TBC1D20: variants seen among roughly 807,000 people sequenced by gnomAD.
The protein encoded by TBC1D20 is chromosome 20 open reading frame 140.
In TBC1D20, 12 loss-of-function variants were observed where a neutral mutation model predicts 41.6. The ratio of observed to expected loss-of-function variants is 0.29; its 90% CI spans 0.18 to 0.47. The LOEUF (loss-of-function observed/expected upper bound fraction) is 0.47, where lower values mean the gene tolerates loss of function less well. TBC1D20 is among the 20% of genes least tolerant of loss of function. TBC1D20 has a pLI of 1.00. For missense variants in TBC1D20, 421 were observed against 517.4 expected, an observed-to-expected ratio of 0.81 and a Z score of 1.81; for synonymous variants, 205 against 204.8, an observed-to-expected ratio of 1.00 and a Z score of -0.01.
chr20:444,925 T>C (rs765584139), intron 3 of TBC1D20, 125 bp downstream of exon 3: 23 of 754,212 alleles, frequency 3.0e-5, no homozygotes, highest in Non-Finnish European at 5.0e-5. Context: ...AAGAAAAGGA[T>C]GACTCAGCAA....
chr20:441,398 G>A (rs2017226612), intron 5 of TBC1D20, 190 bp downstream of exon 5: 7 of 592,166 alleles, frequency 1.2e-5, no homozygotes, highest in Non-Finnish European at 1.8e-5. Flanking sequence ...GTCCCCCAAA[G>A]AGCACAGTCC....
intron 5 of TBC1D20, 58 bp from the exon 6 acceptor site, chr20:440,447 G>C: frequency 6.3e-7 from 1 of 1,594,996 alleles, no homozygotes; most frequent in Non-Finnish European, 8.6e-7. Flanking sequence ...CCCTCTCTCT[G>C]GGCCTTATAG....
chr20:456,674 C>T (rs189376111), intron 1 of TBC1D20, among the ~76,000 whole-genome samples: 149 of 152,256 alleles, frequency 9.8e-4, no homozygotes, highest in Middle Eastern at 6.8e-3. Flanking sequence ...GAGCAGTTCT[C>T]CTGCCTCAGC....
chr20:440,575 C>G (rs2122384041), intron 5 of TBC1D20, 186 bp from the exon 6 acceptor site: 1 of 704,312 alleles, frequency 1.4e-6, no homozygotes, highest in Non-Finnish European at 2.2e-6. Context: ...TACCACAACA[C>G]TAACACCACA....
chr20:462,200 T>G, intron 1 of TBC1D20, 136 bp downstream of exon 1: 2 of 367,918 alleles, frequency 5.4e-6, no homozygotes, highest in South Asian at 1.2e-4. Flanking sequence ...CCTCAGCCTG[T>G]TCCTCTCGCC....
rs191068852 is a variant in TBC1D20, at chr20:438,369, A to C, written c.*217T>G. 2.3e-4 allele frequency: 132 copies of C among 579,060 alleles called. No individual in the cohort carries two copies. Among genetic ancestry groups the C allele is most frequent in the South Asian group, 1.9e-3 (84 of 44,714 alleles). The allele number at this position is 579,060 out of a possible 1,614,324, so 35.9% of individuals were successfully genotyped here. A position where few individuals can be genotyped will look rare whatever the true frequency, so the allele number is the denominator to read the frequency against. Reference sequence around the variant, plus strand: ...CATCCAAAAGCCCACTGGGAGAGGCATAAGATTCTGTGCCAGGCCCCCAGG... The same window carrying C: ...CATCCAAAAGCCCACTGGGAGAGGCCTAAGATTCTGTGCCAGGCCCCCAGG... On this transcript the variant is annotated 3_prime_UTR_variant, in exon 8 of 8. Coordinates refer to ENST00000354200, the MANE Select transcript of TBC1D20 (RefSeq NM_144628.4).
chr20:461,952 C>T (rs995435300), intron 1 of TBC1D20, among the ~76,000 whole-genome samples: 8 of 152,250 alleles, frequency 5.3e-5, no homozygotes, highest in Admixed American at 3.3e-4. Flanking sequence ...GCTGATACCC[C>T]TCGGGGAGGC....
At chr20:449,937 GCA>G (rs768079622) in intron 1 of TBC1D20, among the ~76,000 whole-genome samples, 2 of 152,170 alleles carry the variant, frequency 1.3e-5, no homozygotes, top group African/African-American at 2.4e-5. Flanking sequence ...GGCATATCTA[GCA>G]GTTAGTGTCA....
chr20:462,018 C>T (rs1287621192), intron 1 of TBC1D20, among the ~76,000 whole-genome samples: 1 of 152,224 alleles, frequency 6.6e-6, no homozygotes, highest in African/African-American at 2.4e-5. Flanking sequence ...GCCTGGCCTC[C>T]GCGCTCGAGG....
chr20:445,150 G>A lies in TBC1D20; in HGVS notation c.257-20C>T, dbSNP rs768990900. On this transcript the variant is annotated intron_variant, in intron 2 of 7. Transcript: ENST00000354200. The stretch of plus-strand genomic sequence containing the variant: ...TCTTCCCTATTGAAGGAAAAGGCAC[G>A]TTATTGCAGGAATGCCTGAGAAGCC... 8.3e-6 allele frequency: 13 copies of A among 1,565,560 alleles called. No homozygotes were observed. The highest frequency in any genetic ancestry group is 4.6e-5 in the South Asian group (4 of 86,898).
At chr20:447,051 G>T (rs1196000069) in intron 2 of TBC1D20, among the ~76,000 whole-genome samples, 1 of 144,568 alleles carries the variant, frequency 6.9e-6, no homozygotes, top group Non-Finnish European at 1.5e-5. Flanking sequence ...CCAGGTTCAA[G>T]CAATTCTCTG....
Position 439,114 on chromosome 20 carries a change from G to T in TBC1D20, c.950C>A (p.Ala317Asp). ...GTGTCCCAGCCTTGCTCACCTCTCA[G>T]CTTGCTGTTGGGCAGCGGCCTCCCG... The part of the protein sequence containing the change: ...LAREAAAQQQ[A>D]ERTAASTFKD... The change falls in exon 7 of 8, where the codon GCT becomes GAT. Residue 317 changes from alanine (A) to aspartate (D), a missense_variant. Ala to Asp is a moderately radical substitution (Grantham distance 126). Coordinates refer to ENST00000354200, the MANE Select transcript of TBC1D20 (RefSeq NM_144628.4). The surrounding 1 kb of genome is among the most constrained non-coding windows in gnomAD (Gnocchi z 4.6). The T allele has an allele frequency of 6.2e-7, 1 of 1,611,386 alleles. No homozygotes were observed. The highest frequency in any genetic ancestry group is 8.5e-7 in the Non-Finnish European group (1 of 1,178,552).
intron 3 of TBC1D20, among the ~76,000 whole-genome samples, chr20:444,338 A>C (rs2017291654): frequency 6.6e-6 from 1 of 152,210 alleles, no homozygotes. Flanking sequence ...GCCAGAGCAC[A>C]GTGCAGAAGA....
In TBC1D20 at chr20:439,201, T is replaced by C. The variant is rs2017178606; in HGVS notation, c.863A>G (p.Tyr288Cys). 3 of 1,614,212 alleles carry C rather than the reference T, an allele frequency of 1.9e-6. No individual in the cohort carries two copies. Among genetic ancestry groups the C allele is most frequent in the East Asian group, 2.2e-5 (1 of 44,890 alleles). Residue 288 changes from tyrosine (Y) to cysteine (C), a missense_variant, in exon 7 of 8, where the codon TAT becomes TGT. Tyr to Cys is a radical substitution (Grantham distance 194). This residue lies in a region of TBC1D20 where 161 missense variants were observed against 182.7 expected (regional missense o/e 0.88). Transcript: ENST00000354200. The surrounding 1 kb of genome is among the most constrained non-coding windows in gnomAD (Gnocchi z 4.6). ...TCCTGCTCTGCTGATCAGTGTCTCA[T>C]AGGGCAAGTCCTGAGGGATCTGGGA... ...LLSQIPQDLP[Y>C]ETLISRAGDL...
rs2017133099 is a variant in TBC1D20, at chr20:437,103, G to C, written c.*1483C>G. On this transcript the variant is annotated 3_prime_UTR_variant, in exon 8 of 8. Transcript: ENST00000354200. ...CACTCCAGCCTGGGCAACAGAGTGA[G>C]ACTCCATCTCAGAAAAAAGAAAATA... 1 of 152,138 alleles carries C rather than the reference G, an allele frequency of 6.6e-6. No homozygotes were observed. Among genetic ancestry groups the C allele is most frequent in the South Asian group, 2.1e-4 (1 of 4,822 alleles). The allele number at this position is 152,138 out of a possible 1,614,324, so 9.4% of individuals were successfully genotyped here. A position where few individuals can be genotyped will look rare whatever the true frequency, so the allele number is the denominator to read the frequency against.
chr20:438,848 G>C lies in TBC1D20; in HGVS notation c.957-7C>G, dbSNP rs374269684. ...GAAAGTAGAGGCTGCCGTCCTGCAG[G>C]GGAAAGAGACGGAAGGAAGGAAGTG... On this transcript the variant is annotated splice_polypyrimidine_tract_variant and splice_region_variant and intron_variant, in intron 7 of 7. Coordinates refer to ENST00000354200, the MANE Select transcript of TBC1D20 (RefSeq NM_144628.4). 2.8e-5 allele frequency: 45 copies of C among 1,611,082 alleles called. No homozygotes were observed. The highest frequency in any genetic ancestry group is 3.5e-5 in the Non-Finnish European group (41 of 1,177,718).
intron 3 of TBC1D20, among the ~76,000 whole-genome samples, chr20:443,412 G>A (rs1414114369): frequency 6.6e-6 from 1 of 152,126 alleles, no homozygotes; most frequent in Non-Finnish European, 1.5e-5. Flanking sequence ...TATGAGCCAG[G>A]TTAGAAGAAT....
Position 462,427 on chromosome 20 carries a change from AC to A in TBC1D20, c.-23del. 1.7e-6 allele frequency: 2 copies of A among 1,190,514 alleles called. No individual in the cohort carries two copies. Among genetic ancestry groups the A allele is most frequent in the Non-Finnish European group, 2.1e-6 (2 of 951,800 alleles). The allele number at this position is 1,190,514 out of a possible 1,614,324, so 73.7% of individuals were successfully genotyped here. Reference sequence around the variant, plus strand: ...CCATGCCCCGGGGCCCCGGGCCCCCACCCGAGCCCCGGCTGGTGGCGGAGCC... The same window carrying A: ...CCATGCCCCGGGGCCCCGGGCCCCCACCGAGCCCCGGCTGGTGGCGGAGCC... On this transcript the variant is annotated 5_prime_UTR_variant, in exon 1 of 8. Coordinates refer to ENST00000354200, the MANE Select transcript of TBC1D20 (RefSeq NM_144628.4).
chr20:449,153 C>CTTTT (rs757303718), intron 1 of TBC1D20, among the ~76,000 whole-genome samples: 8 of 93,618 alleles, frequency 8.5e-5, no homozygotes, highest in African/African-American at 1.3e-4. Context: ...CCTATATGTA[C>CTTTT]TTTTTTTTTT....
Sources: gnomAD v4.1 joint callset for allele counts (sites outside exome capture counted in the v4.1 genomes callset) on GRCh38, gnomAD v4.1.1 for gene constraint, gnomAD v4.1.1 regional missense constraint, Gnocchi (gnomAD v3.1) non-coding constraint, MANE v1.5 for transcripts, NCBI Gene and HGNC (gene_info 2026-07-23, HGNC 2026-07-21) for gene names.